Variants in CCDC69 observed in about 807,000 individuals in gnomAD.
CCDC69 encodes coiled-coil domain containing 69.
CCDC69 carries 38 observed loss-of-function variants against 40.3 expected under a neutral mutation model. The observed-to-expected ratio is 0.94, with a 90% CI of 0.73 to 1.24. CCDC69 has a LOEUF of 1.24. Among genes scored for constraint, CCDC69 ranks in the 50% most tolerant of loss-of-function variants. CCDC69 has a pLI of 0.00. For synonymous variants in CCDC69, 141 were observed against 138.9 expected (o/e 1.02, Z -0.11); for missense variants, 389 against 357.9 (o/e 1.09, Z -0.70).
At chr5:151,203,667 A>T (rs1255070100) in intron 2 of CCDC69, among the ~76,000 whole-genome samples, 1 of 139,656 alleles carries the variant, frequency 7.2e-6, no homozygotes, top group South Asian at 2.1e-4. Flanking sequence ...TAGTATATAT[A>T]AAAAATAGTA....
intron 2 of CCDC69, among the ~76,000 whole-genome samples, chr5:151,202,339 C>T (rs888640029): frequency 3.3e-5 from 5 of 152,238 alleles, no homozygotes; most frequent in Admixed American, 6.5e-5. Context: ...CCAGTCTGCG[C>T]AACAGAGCGA....
chr5:151,218,656 T>C (rs539828165), intron 1 of CCDC69, among the ~76,000 whole-genome samples: 125 of 152,336 alleles, frequency 8.2e-4, no homozygotes, highest in Non-Finnish European at 1.5e-3. Context: ...AGAGTTTCAC[T>C]GTCTTGATTT....
intron 4 of CCDC69, among the ~76,000 whole-genome samples, chr5:151,197,789 T>C (rs1752720896): frequency 6.6e-6 from 1 of 152,214 alleles, no homozygotes; most frequent in African/African-American, 2.4e-5. Context: ...GTAAGTATCA[T>C]TGCTGTTATA....
At chr5:151,194,275 A>C (rs574719676) in intron 4 of CCDC69, among the ~76,000 whole-genome samples, 2 of 152,368 alleles carry the variant, frequency 1.3e-5, no homozygotes, top group East Asian at 3.9e-4. Context: ...CTCTATTCAT[A>C]ATTGCCTCAA....
chr5:151,205,601 C>CGCCT, intron 1 of CCDC69, 126 bp from the exon 2 acceptor site: 5 of 766,712 alleles, frequency 6.5e-6, no homozygotes, highest in East Asian at 5.1e-5. Flanking sequence ...CCCTGCCCCA[C>CGCCT]GCCTGCGCAT....
At chr5:151,195,739 A>AAC (rs59069273) in intron 4 of CCDC69, among the ~76,000 whole-genome samples, 2 of 150,032 alleles carry the variant, frequency 1.3e-5, no homozygotes, top group African/African-American at 4.9e-5. Flanking sequence ...AAAAAAAAAA[A>AAC]CACGCACACT....
intron 1 of CCDC69, among the ~76,000 whole-genome samples, chr5:151,214,518 T>G (rs538560289): frequency 1.3e-4 from 20 of 152,320 alleles, no homozygotes; most frequent in African/African-American, 4.8e-4. Flanking sequence ...ATGCCTGAAT[T>G]TGATGTCATT....
chr5:151,196,411 C>G (rs1752700663), intron 4 of CCDC69, among the ~76,000 whole-genome samples: 1 of 152,160 alleles, frequency 6.6e-6, no homozygotes, highest in Non-Finnish European at 1.5e-5. Context: ...CCCGCCTCGG[C>G]CTCCCAAAGT....
At chr5:151,197,477 C>T (rs1752715838) in intron 4 of CCDC69, among the ~76,000 whole-genome samples, 1 of 152,034 alleles carries the variant, frequency 6.6e-6, no homozygotes, top group African/African-American at 2.4e-5. Flanking sequence ...GAGCCGAGAT[C>T]GTGCCACTGT....
At chr5:151,203,456 G>A (rs1292903102) in intron 2 of CCDC69, among the ~76,000 whole-genome samples, 3 of 150,600 alleles carry the variant, frequency 2.0e-5, no homozygotes, top group Non-Finnish European at 2.9e-5. Flanking sequence ...GTTGCAGTGA[G>A]TCAAGATCCT....
rs182319611 is a variant in CCDC69, at chr5:151,191,126, A to G, written c.320-3667T>C. Among the ~76,000 whole-genome samples, 21 of 152,144 alleles carry G rather than the reference A, an allele frequency of 1.4e-4. No individual in the cohort carries two copies. The East Asian group carries it at 4.0e-3, about 29-fold the overall frequency. ...AAAAAAAACCACCCACCAACTAACT[A>G]CGTGCTATTTACAAGAAACCCACTG... On this transcript the variant is annotated intron_variant, in intron 4 of 8. Coordinates refer to ENST00000355417, the MANE Select transcript of CCDC69 (RefSeq NM_015621.3).
chr5:151,204,444 G>A (rs968189624), intron 2 of CCDC69, among the ~76,000 whole-genome samples: 4 of 152,170 alleles, frequency 2.6e-5, no homozygotes, highest in African/African-American at 4.8e-5. Context: ...AACTAAACAC[G>A]TTCAGAGATA....
rs1040998929 is a variant in CCDC69, at chr5:151,203,522, A to G, written c.125-1834T>C. Among the ~76,000 whole-genome samples, 5 of 147,098 alleles carry G rather than the reference A, an allele frequency of 3.4e-5. No homozygotes were observed. The Admixed American group carries it at 3.5e-4, about 10-fold the overall frequency. ...GAAACTCCGTCTCAAAAAAATAAAAATAAAAATAAAAAATAAATATATATA... is the reference window on the plus strand; with the variant it reads ...GAAACTCCGTCTCAAAAAAATAAAAGTAAAAATAAAAAATAAATATATATA... On this transcript the variant is annotated intron_variant, in intron 2 of 8. Transcript: ENST00000355417.
At position 151,186,428 on chromosome 5, in the gene CCDC69, A is replaced by AGAGAAGGAGAAGGAGAGGGAGG. The variant is rs1221433404; in HGVS notation, c.394-326_394-305dup. ...GATAGGGAGGGGAAGGGAGGGGGAC[A>AGAGAAGGAGAAGGAGAGGGAGG]GAGAAGGAGAAGGAGAGGGAGGGAG... On this transcript the variant is annotated intron_variant, in intron 5 of 8. Transcript: ENST00000355417. Among the ~76,000 whole-genome samples the AGAGAAGGAGAAGGAGAGGGAGG allele has an allele frequency of 3.8e-4, 56 of 149,296 alleles. 1 individual carries two copies. The highest frequency in any genetic ancestry group is 6.0e-4 in the East Asian group (3 of 4,998).
rs935356907 is a variant in CCDC69, at chr5:151,221,427, G to A, written c.48+2496C>T. ...CCACCCTTCCTCAAAAACCCTTCCT[G>A]CATCTCTCAAGGCTAGATGTGATGC... On this transcript the variant is annotated intron_variant, in intron 1 of 8. Transcript: ENST00000355417. Among the ~76,000 whole-genome samples the A allele has an allele frequency of 2.2e-4, 34 of 152,266 alleles. No homozygotes were observed. The South Asian group carries it at 6.2e-3, about 28-fold the overall frequency.
At chr5:151,209,580 TTCTG>T (rs953691042) in intron 1 of CCDC69, among the ~76,000 whole-genome samples, 5 of 152,050 alleles carry the variant, frequency 3.3e-5, no homozygotes, top group Admixed American at 6.5e-5. Flanking sequence ...TTTCTTTTTC[TTCTG>T]TCTTTTTTTT....
At chr5:151,206,410 A>G (rs962269158) in intron 1 of CCDC69, among the ~76,000 whole-genome samples, 1 of 152,176 alleles carries the variant, frequency 6.6e-6, no homozygotes, top group African/African-American at 2.4e-5. Context: ...TTGGTGATCA[A>G]TTTGACATTC....
intron 4 of CCDC69, among the ~76,000 whole-genome samples, chr5:151,192,721 T>C (rs1424019900): frequency 6.6e-6 from 1 of 152,194 alleles, no homozygotes. Context: ...TACAGGCCAA[T>C]ATTCCTCATG....
At position 151,183,232 on chromosome 5, in the gene CCDC69, C is replaced by T. The variant is rs79663067; in HGVS notation, c.*205G>A. ...TTCCCTTGGCCAACTCAAGGGAAGA[C>T]GCTTCTCGGGGCCTCCAAAACCCTG... On this transcript the variant is annotated 3_prime_UTR_variant, in exon 9 of 9. Transcript: ENST00000355417. The T allele has an allele frequency of 2.9e-3, 2,074 of 705,974 alleles. 34 individuals carry two copies. In the African/African-American group the frequency reaches 0.032, roughly 11 times the overall value. The allele number at this position is 705,974 out of a possible 1,614,324, so 43.7% of individuals were successfully genotyped here. A position where few individuals can be genotyped will look rare whatever the true frequency, so the allele number is the denominator to read the frequency against.
Sources: allele counts gnomAD v4.1 joint callset (sites outside exome capture counted in the v4.1 genomes callset), GRCh38; gene constraint gnomAD v4.1.1; transcripts MANE v1.5; gene names NCBI Gene and HGNC (gene_info 2026-07-23, HGNC 2026-07-21).